The following JPH3 variants were observed in gnomAD, a reference collection of about 807,000 sequenced individuals.
JPH3 encodes junctophilin-3.
In JPH3, 11 loss-of-function variants were observed where a neutral mutation model predicts 59.6. The ratio of observed to expected loss-of-function variants is 0.18; its 90% confidence interval spans 0.12 to 0.31. The LOEUF is 0.31. Ranked by LOEUF, JPH3 falls within the 10% of genes least tolerant of loss-of-function variation. JPH3 has a pLI of 1.00. For synonymous variants in JPH3, 673 were observed against 483.6 expected (o/e 1.39, Z -5.14); for missense variants, 1,202 against 1,105.7 (o/e 1.09, Z -1.24).
chr16:87,674,192 G>A lies in JPH3; in HGVS notation c.1161-9950G>A, dbSNP rs1196779536. Reference sequence around the variant, plus strand: ...TACTAAAAATACAAAAAATTAGCCAGGCGTGGTGGCGGGCGCCTGTAGTCC... The same window carrying A: ...TACTAAAAATACAAAAAATTAGCCAAGCGTGGTGGCGGGCGCCTGTAGTCC... On this transcript the variant is annotated intron_variant, in intron 2 of 4. Coordinates refer to ENST00000284262, the MANE Select transcript of JPH3 (RefSeq NM_020655.4). Among the ~76,000 whole-genome samples the A allele has an allele frequency of 2.6e-5, 4 of 152,240 alleles. No homozygotes were observed. In the East Asian group the frequency reaches 7.7e-4, roughly 29 times the overall value.
At chr16:87,674,957 T>C (rs1220185363) in intron 2 of JPH3, among the ~76,000 whole-genome samples, 2 of 152,094 alleles carry the variant, frequency 1.3e-5, no homozygotes, top group Non-Finnish European at 2.9e-5. Context: ...GATGGGGGTT[T>C]CACCATGTTG....
chr16:87,666,675 C>G (rs1032980368), intron 2 of JPH3, among the ~76,000 whole-genome samples: 1 of 152,158 alleles, frequency 6.6e-6, no homozygotes, highest in Non-Finnish European at 1.5e-5. Flanking sequence ...TCTCCAGACC[C>G]CCTCCTGCCT....
At chr16:87,609,938 A>G (rs972955067) in intron 1 of JPH3, among the ~76,000 whole-genome samples, 5 of 152,360 alleles carry the variant, frequency 3.3e-5, no homozygotes, top group African/African-American at 1.2e-4. Context: ...GTGAAGTAAT[A>G]ATACAACTCA....
At chr16:87,670,490 G>A (rs923218979) in intron 2 of JPH3, among the ~76,000 whole-genome samples, 2 of 152,186 alleles carry the variant, frequency 1.3e-5, no homozygotes, top group Non-Finnish European at 2.9e-5. Context: ...TGCGGGACAG[G>A]ACCTGTCCCT....
chr16:87,665,890 G>A (rs1233824392), intron 2 of JPH3, among the ~76,000 whole-genome samples: 1 of 152,176 alleles, frequency 6.6e-6, no homozygotes, highest in Non-Finnish European at 1.5e-5. Flanking sequence ...CCTCAGCTTT[G>A]AAGTCAGTTC....
At chr16:87,639,586 T>C (rs1252600850) in intron 1 of JPH3, among the ~76,000 whole-genome samples, 1 of 136,286 alleles carries the variant, frequency 7.3e-6, no homozygotes, top group East Asian at 2.5e-4. Flanking sequence ...TCCCACTAAA[T>C]GCTCACTGCC....
chr16:87,692,417 G>A (rs1051429206), intron 4 of JPH3, among the ~76,000 whole-genome samples: 83 of 152,332 alleles, frequency 5.4e-4, no homozygotes, highest in African/African-American at 1.9e-3. Context: ...TGCCTTCAGT[G>A]CCACCCCCTC....
At chr16:87,608,803 G>A (rs1264830892) in intron 1 of JPH3, among the ~76,000 whole-genome samples, 4 of 152,298 alleles carry the variant, frequency 2.6e-5, no homozygotes, top group South Asian at 2.1e-4. Context: ...TTGGGAGGCC[G>A]AGATGGGAGG....
chr16:87,684,876 G>A (rs1372088859), intron 3 of JPH3, among the ~76,000 whole-genome samples: 3 of 151,296 alleles, frequency 2.0e-5, no homozygotes. Context: ...CGGGGGCGTG[G>A]AGGGTGTGGG....
intron 2 of JPH3, among the ~76,000 whole-genome samples, chr16:87,683,794 C>T (rs1181389997): frequency 4.0e-5 from 6 of 151,790 alleles, no homozygotes; most frequent in Non-Finnish European, 8.8e-5. Context: ...TTGGCAGAGA[C>T]AGGCTTTTGC....
chr16:87,690,372 C>T lies in JPH3; in HGVS notation c.2012C>T (p.Ala671Val), dbSNP rs775108946. The change falls in exon 4 of 5, where the codon GCG (alanine) becomes GTG (valine). Residue 671 changes from alanine (A) to valine (V), a missense_variant. By Grantham distance (64) the Ala-to-Val change is moderately conservative. Transcript: ENST00000284262. ...GAGAACTTCAGGCCGGCCTCCTCCG[C>T]GGAGCCCGCCGTGCAGAAACTGGCG... ...NKENFRPASS[A>V]EPAVQKLASL... 38 of 1,534,284 alleles carry T rather than the reference C, an allele frequency of 2.5e-5. No homozygotes were observed. Among genetic ancestry groups the T allele is most frequent in the Middle Eastern group, 1.7e-4 (1 of 5,780 alleles).
intron 2 of JPH3, 101 bp from the exon 3 acceptor site, chr16:87,684,041 T>C: frequency 1.2e-6 from 1 of 801,484 alleles, no homozygotes; most frequent in Non-Finnish European, 2.1e-6. Flanking sequence ...GCATCTTGTC[T>C]TAGCCCAGCC....
At chr16:87,645,916 G>C (rs2150846907) in intron 2 of JPH3, among the ~76,000 whole-genome samples, 1 of 152,352 alleles carries the variant, frequency 6.6e-6, no homozygotes, top group South Asian at 2.1e-4. Flanking sequence ...GGTTACTAAA[G>C]GGCTTTGTCA....
intron 1 of JPH3, among the ~76,000 whole-genome samples, chr16:87,630,199 T>TG (rs2031520353): frequency 6.6e-6 from 1 of 152,150 alleles, no homozygotes; most frequent in Admixed American, 6.5e-5. Context: ...CTCACCTGAG[T>TG]GGGGTCAAGA....
chr16:87,677,498 A>G (rs895009958), intron 2 of JPH3, among the ~76,000 whole-genome samples: 13 of 152,208 alleles, frequency 8.5e-5, no homozygotes, highest in Admixed American at 2.0e-4. Flanking sequence ...TGCTGTCTGC[A>G]CCTCATCCCA....
chr16:87,616,387 C>T (rs2030971068), intron 1 of JPH3, among the ~76,000 whole-genome samples: 1 of 150,810 alleles, frequency 6.6e-6, no homozygotes, highest in Admixed American at 6.6e-5. Flanking sequence ...GCGCCCGCCA[C>T]CACGCCTGGT....
chr16:87,668,353 C>T (rs561690427), intron 2 of JPH3, among the ~76,000 whole-genome samples: 13 of 152,300 alleles, frequency 8.5e-5, no homozygotes, highest in Admixed American at 2.6e-4. Flanking sequence ...AAGGCAGTTC[C>T]CAGGCTTGTG....
At position 87,633,484 on chromosome 16, in the gene JPH3, A is replaced by AC. The variant is rs1415728424; in HGVS notation, c.383-10774_383-10773insC. Among the ~76,000 whole-genome samples the AC allele has an allele frequency of 1.9e-3, 292 of 150,126 alleles. 3 individuals carry two copies. The highest frequency in any genetic ancestry group is 6.9e-3 in the African/African-American group (281 of 40,966). On this transcript the variant is annotated intron_variant, in intron 1 of 4. Transcript: ENST00000284262. ...TTCAGAACTCCACTAAGATTAACCA[A>AC]AAAAAAAAATTTATATATATATATA...
chr16:87,622,228 C>T (rs943572063), intron 1 of JPH3, among the ~76,000 whole-genome samples: 1 of 152,188 alleles, frequency 6.6e-6, no homozygotes, highest in Non-Finnish European at 1.5e-5. Context: ...TCCTGTGCGT[C>T]CCTGCGTCTC....
Sources: allele counts gnomAD v4.1 joint callset (sites outside exome capture counted in the v4.1 genomes callset), GRCh38; gene constraint gnomAD v4.1.1; transcripts MANE v1.5; gene names NCBI Gene and HGNC (gene_info 2026-07-23, HGNC 2026-07-21).